Variants in TTC39A observed in about 807,000 individuals in gnomAD.
TTC39A encodes tetratricopeptide repeat domain 39A.
TTC39A carries 46 observed loss-of-function variants against 82.3 expected under a neutral mutation model. That is an observed-to-expected ratio of 0.56 (90% CI 0.44 to 0.71). TTC39A has a LOEUF of 0.71. Among genes scored for constraint, TTC39A ranks in the 30% least tolerant of loss-of-function variants. TTC39A has a pLI of 0.00. For missense variants in TTC39A, 543 were observed against 712.9 expected (o/e 0.76, Z 2.71); for synonymous variants, 254 against 275.2 (o/e 0.92, Z 0.76).
intron 13 of TTC39A, 40 bp downstream of exon 13, chr1:51,296,039 G>T: frequency 6.5e-7 from 1 of 1,548,328 alleles, no homozygotes; most frequent in East Asian, 2.4e-5. Flanking sequence ...CCTACACGGT[G>T]GGAGTGGCCT....
intron 13 of TTC39A, among the ~76,000 whole-genome samples, chr1:51,295,105 C>G (rs759165809): frequency 1.3e-5 from 2 of 152,166 alleles, no homozygotes; most frequent in African/African-American, 2.4e-5. Context: ...CAGGCCTGAG[C>G]CATTTAGGCT....
intron 13 of TTC39A, chr1:51,295,549 A>T (rs1222606431): frequency 6.2e-6 from 1 of 160,822 alleles, no homozygotes; most frequent in Admixed American, 5.7e-5. Context: ...TCTATGCGCC[A>T]GGCTCTTAAC....
chr1:51,342,212 C>T (rs556982696), intron 1 of TTC39A, among the ~76,000 whole-genome samples: 3 of 152,270 alleles, frequency 2.0e-5, no homozygotes, highest in African/African-American at 7.2e-5. Context: ...GTCCCCTTTC[C>T]TTTTCCCAGC....
intron 7 of TTC39A, chr1:51,305,463 C>G (rs1039607076): frequency 3.4e-5 from 12 of 355,752 alleles, no homozygotes; most frequent in African/African-American, 2.5e-4. Flanking sequence ...CTCCCTCTGC[C>G]TGGAAGCCCC....
intron 1 of TTC39A, among the ~76,000 whole-genome samples, chr1:51,339,612 T>G (rs188305207): frequency 6.6e-6 from 1 of 152,246 alleles, no homozygotes; most frequent in African/African-American, 2.4e-5. Context: ...CACTCCCTTC[T>G]TCCTAAGGTG....
intron 1 of TTC39A, chr1:51,322,229 C>T: frequency 6.6e-7 from 1 of 1,505,074 alleles, no homozygotes; most frequent in Non-Finnish European, 8.9e-7. Flanking sequence ...TTTCCCTCCT[C>T]CTTCTCCAAG....
chr1:51,296,881 G>C (rs1356845880), intron 12 of TTC39A: 1 of 154,354 alleles, frequency 6.5e-6, no homozygotes, highest in Non-Finnish European at 1.4e-5. Flanking sequence ...CCCTGACAGG[G>C]AAACCGTGGC....
chr1:51,312,913 T>G lies in TTC39A; in HGVS notation c.177A>C (p.Thr59=), dbSNP rs117553702. The part of the protein sequence containing the change: ...RTKESMYHSL[T]YATILEMQAM... The stretch of plus-strand genomic sequence containing the variant: ...CCTGCATCTCCAGGATGGTGGCATA[T>G]GTCAGTGAGTGGTACATGCTTTCCT... Residue 59 remains threonine, a synonymous_variant, in exon 3 of 18, where the codon ACA becomes ACC. Coordinates refer to ENST00000680483, the MANE Select transcript of TTC39A (RefSeq NM_001297663.2). 6.2e-7 allele frequency: 1 copy of G among 1,613,754 alleles called. No individual in the cohort carries two copies. The highest frequency in any genetic ancestry group is 1.7e-5 in the Admixed American group (1 of 60,004).
In TTC39A at chr1:51,305,127, G is replaced by C; in HGVS notation, c.608C>G (p.Thr203Ser). ...AFNLTLSMLPTRILRLLEFVG... is the reference protein window; with the variant it reads ...AFNLTLSMLPSRILRLLEFVG... ...AAACTCCAACAGCCTCAGGATCCTA[G>C]TAGGAAGCATGGACAGTGTCTGCAA... Residue 203 changes from threonine (T) to serine (S), a missense_variant, in exon 8 of 18, where the codon ACT becomes AGT. Transcript: ENST00000680483. The C allele has an allele frequency of 6.2e-7, 1 of 1,613,612 alleles. No homozygotes were observed. Among genetic ancestry groups the C allele is most frequent in the Non-Finnish European group, 8.5e-7 (1 of 1,179,610 alleles).
At chr1:51,334,184 C>A (rs12067106), upstream of TTC39A, among the ~76,000 whole-genome samples, 9,950 of 144,668 alleles carry the variant, frequency 0.069, 412 homozygotes, top group East Asian at 0.12. Context: ...CATGGTGAGA[C>A]CCTGTCTCTA....
Position 51,288,064 on chromosome 1 carries a change from G to T in TTC39A, c.*93C>A, listed in dbSNP as rs1412301968. On this transcript the variant is annotated 3_prime_UTR_variant, in exon 18 of 18. Transcript: ENST00000680483. This position sits in a 1 kb window ranked among gnomAD's most constrained non-coding sequence, Gnocchi z 4.8. ...ACTGGAGTGCCGGTGGACCCCAAAG[G>T]CAGGGCAGGGCAGGGGGAGGGGGTA... is the stretch of plus-strand genomic sequence containing the variant. The T allele has an allele frequency of 2.0e-6, 3 of 1,516,748 alleles. No homozygotes were observed. Among genetic ancestry groups the T allele is most frequent in the African/African-American group, 1.4e-5 (1 of 73,008 alleles). The allele number at this position is 1,516,748 out of a possible 1,614,324, so 94.0% of individuals were successfully genotyped here.
At chr1:51,298,308 G>T (rs1018576265) in intron 12 of TTC39A, 1 of 152,316 alleles carries the variant, frequency 6.6e-6, no homozygotes, top group Non-Finnish European at 1.5e-5. Context: ...GCCTGCCAAG[G>T]CTCCCCCACT....
intron 1 of TTC39A, among the ~76,000 whole-genome samples, chr1:51,343,619 T>C (rs1646062909): frequency 6.6e-6 from 1 of 152,246 alleles, no homozygotes; most frequent in Non-Finnish European, 1.5e-5. Context: ...TACTAGAACC[T>C]GGTTGCCAAG....
chr1:51,311,210 A>T, intron 5 of TTC39A, 44 bp downstream of exon 5: 1 of 1,537,084 alleles, frequency 6.5e-7, no homozygotes, highest in Non-Finnish European at 8.8e-7. Flanking sequence ...GTGGAAACTG[A>T]TCTTCTGAAA....
chr1:51,297,704 G>A (rs1411834284), intron 12 of TTC39A: 2 of 152,388 alleles, frequency 1.3e-5, no homozygotes, highest in Non-Finnish European at 2.9e-5. Flanking sequence ...CAGGCTACCC[G>A]GGATGTCTTT....
chr1:51,323,567 T>C (rs929111511), intron 1 of TTC39A, among the ~76,000 whole-genome samples: 42 of 152,220 alleles, frequency 2.8e-4, no homozygotes, highest in African/African-American at 9.9e-4. Flanking sequence ...TTCATGTCTC[T>C]TAACTAACTT....
At chr1:51,331,139 C>A (rs1005787905), upstream of TTC39A, 3 of 1,455,020 alleles carry the variant, frequency 2.1e-6, no homozygotes, top group Non-Finnish European at 9.4e-7. Context: ...ATTTGATTCA[C>A]GCATGGTCAC....
At chr1:51,309,687 T>G (rs1340179597) in intron 5 of TTC39A, among the ~76,000 whole-genome samples, 1 of 152,186 alleles carries the variant, frequency 6.6e-6, no homozygotes, top group Non-Finnish European at 1.5e-5. Context: ...CATTTATAAA[T>G]GTAAAGCTCT....
At chr1:51,345,025 A>G (rs1443352218) in exon 1 of TTC39A, 8 of 1,518,700 alleles carry the variant, frequency 5.3e-6, no homozygotes, top group Non-Finnish European at 7.1e-6. Flanking sequence ...GCCTCCTTCC[A>G]GGTGGTCAGA....
Sources: allele counts gnomAD v4.1 joint callset (sites outside exome capture counted in the v4.1 genomes callset), GRCh38; gene constraint gnomAD v4.1.1; non-coding constraint Gnocchi (gnomAD v3.1); transcripts MANE v1.5; gene names NCBI Gene and HGNC (gene_info 2026-07-23, HGNC 2026-07-21).